The following CSMD1 variants were observed in gnomAD, a reference collection of about 807,000 sequenced individuals.
CSMD1 encodes CUB and Sushi multiple domains 1, also known as CUB and sushi domain-containing protein 1.
Under a neutral mutation model 417.5 loss-of-function variants are expected in CSMD1, and 213 were observed. The observed-to-expected ratio is 0.51, with a 90% confidence interval of 0.46 to 0.57. The LOEUF (loss-of-function observed/expected upper bound fraction) is 0.57, where lower values mean the gene tolerates loss of function less well. CSMD1 is among the 20% of genes least tolerant of loss of function. The pLI, the probability that CSMD1 is intolerant of heterozygous loss-of-function variation, is 0.00. For synonymous variants in CSMD1, 2,862 were observed against 1,736.8 expected, an observed-to-expected ratio of 1.65 and a Z score of -16.11; for missense variants, 6,923 against 4,529.7, an observed-to-expected ratio of 1.53 and a Z score of -15.17.
At chr8:3,689,860 C>G (rs1265384606) in intron 7 of CSMD1, among the ~76,000 whole-genome samples, 3 of 152,174 alleles carry the variant, frequency 2.0e-5, no homozygotes, top group Non-Finnish European at 4.4e-5. Context: ...AGCTTTAAAT[C>G]AGATATTTCC....
intron 3 of CSMD1, among the ~76,000 whole-genome samples, chr8:4,063,321 T>A (rs1024489352): frequency 6.6e-6 from 1 of 151,656 alleles, no homozygotes; most frequent in African/African-American, 2.4e-5. Context: ...AAAAAATAAT[T>A]TAAAGATAAA....
chr8:4,817,757 T>C (rs1204824026), intron 1 of CSMD1, among the ~76,000 whole-genome samples: 2 of 152,220 alleles, frequency 1.3e-5, no homozygotes, highest in African/African-American at 4.8e-5. Context: ...GCTATCACGC[T>C]GAGTAGGTAC....
intron 17 of CSMD1, among the ~76,000 whole-genome samples, chr8:3,393,848 G>A (rs559224026): frequency 6.6e-6 from 1 of 151,178 alleles, no homozygotes; most frequent in Non-Finnish European, 1.5e-5. Context: ...GTGGGGTGTG[G>A]GGAGGGGGCA....
chr8:3,449,009 C>T (rs532467404), intron 12 of CSMD1, among the ~76,000 whole-genome samples: 2 of 152,210 alleles, frequency 1.3e-5, no homozygotes, highest in African/African-American at 4.8e-5. Flanking sequence ...AAATCAAACA[C>T]GTATTAGTAG....
At chr8:4,015,700 C>T (rs995472328) in intron 4 of CSMD1, among the ~76,000 whole-genome samples, 3 of 140,952 alleles carry the variant, frequency 2.1e-5, no homozygotes, top group Non-Finnish European at 4.6e-5. Flanking sequence ...ACAGCTGCTA[C>T]ATCCCATTTT....
chr8:3,092,994 ACCATACT>A (rs1225541130), intron 47 of CSMD1, among the ~76,000 whole-genome samples: 1 of 152,134 alleles, frequency 6.6e-6, no homozygotes, highest in East Asian at 1.9e-4. Flanking sequence ...ATACTGAGAA[ACCATACT>A]CCACTCACCG....
intron 3 of CSMD1, among the ~76,000 whole-genome samples, chr8:4,051,111 A>C (rs557820087): frequency 6.6e-6 from 1 of 151,850 alleles, no homozygotes; most frequent in South Asian, 2.1e-4. Flanking sequence ...GAAAGGGAGA[A>C]CCAGGAAAAA....
At chr8:3,119,186 C>CA (rs1429983106) in intron 41 of CSMD1, among the ~76,000 whole-genome samples, 3 of 150,106 alleles carry the variant, frequency 2.0e-5, no homozygotes, top group African/African-American at 7.3e-5. Context: ...TCCCCCGCCC[C>CA]AAAAAAAAGG....
At chr8:3,104,848 C>G (rs1816018757) in intron 46 of CSMD1, among the ~76,000 whole-genome samples, 1 of 152,038 alleles carries the variant, frequency 6.6e-6, no homozygotes, top group Admixed American at 6.6e-5. Context: ...GCTGGCATTA[C>G]AGGCATGCGC....
chr8:3,843,291 T>C (rs1247538548), intron 5 of CSMD1, among the ~76,000 whole-genome samples: 2 of 152,226 alleles, frequency 1.3e-5, no homozygotes, highest in Admixed American at 1.3e-4. Context: ...GTTAATGAGT[T>C]TATCTTTTTA....
chr8:4,367,221 A>G lies in CSMD1; in HGVS notation c.415+52732T>C, dbSNP rs146045006. Among the ~76,000 whole-genome samples, 626 of 152,194 alleles carry G rather than the reference A, an allele frequency of 4.1e-3. 6 individuals are homozygous for G. The highest frequency in any genetic ancestry group is 7.2e-3 in the Non-Finnish European group (489 of 68,002). On this transcript the variant is annotated intron_variant, in intron 3 of 69. Coordinates refer to ENST00000635120, the MANE Select transcript of CSMD1 (RefSeq NM_033225.6). ...TAATCCATCTGGAGTTATTTTTTGT[A>G]TGTGGTGTAAGGAAGGGGTCCAGTC...
intron 46 of CSMD1, among the ~76,000 whole-genome samples, chr8:3,103,443 C>A (rs1815901019): frequency 6.6e-6 from 1 of 152,098 alleles, no homozygotes; most frequent in Non-Finnish European, 1.5e-5. Context: ...CAGTATGAGA[C>A]TGTACTGAAG....
chr8:4,419,132 T>C (rs186502851), intron 3 of CSMD1, among the ~76,000 whole-genome samples: 149 of 152,272 alleles, frequency 9.8e-4, no homozygotes, highest in Admixed American at 8.4e-3. Flanking sequence ...ACATCCCAAG[T>C]AAACAGTGTG....
At chr8:4,564,198 C>G (rs771199430) in intron 2 of CSMD1, among the ~76,000 whole-genome samples, 1 of 152,192 alleles carries the variant, frequency 6.6e-6, no homozygotes, top group African/African-American at 2.4e-5. Flanking sequence ...AAATATTTTT[C>G]TTCACTTCCT....
At position 4,779,202 on chromosome 8, in the gene CSMD1, G is replaced by A. The variant is rs370143536; in HGVS notation, c.86-141644C>T. On this transcript the variant is annotated intron_variant, in intron 1 of 69. Coordinates refer to ENST00000635120, the MANE Select transcript of CSMD1 (RefSeq NM_033225.6). Reference sequence around the variant, plus strand: ...AGTGGTGGCAAACATATGCTAACTGGTCTGATTAATATTGTTATGTTAACG... The same window carrying A: ...AGTGGTGGCAAACATATGCTAACTGATCTGATTAATATTGTTATGTTAACG... Among the ~76,000 whole-genome samples, 223 of 152,266 alleles carry A rather than the reference G, an allele frequency of 1.5e-3. 2 individuals carry two copies. Among genetic ancestry groups the A allele is most frequent in the African/African-American group, 5.3e-3 (219 of 41,540 alleles).
rs1020715837 is a variant in CSMD1, at chr8:2,954,334, T to A, written c.9995-66A>T. 31 of 1,017,098 alleles carry A rather than the reference T, an allele frequency of 3.0e-5. No homozygotes were observed. The Admixed American group carries it at 8.7e-4, about 29-fold the overall frequency. The allele number at this position is 1,017,098 out of a possible 1,614,324, so 63.0% of individuals were successfully genotyped here. On this transcript the variant is annotated intron_variant, in intron 64 of 69. Coordinates refer to ENST00000635120, the MANE Select transcript of CSMD1 (RefSeq NM_033225.6). ...TTATTTTTGAGTAAGTTTGAAAAAA[T>A]GTCAAATTGAAGCAATTTTCCTTTC... is the stretch of plus-strand genomic sequence containing the variant.
chr8:3,466,644 G>C (rs533735440), intron 12 of CSMD1, among the ~76,000 whole-genome samples: 3 of 149,330 alleles, frequency 2.0e-5, no homozygotes, highest in East Asian at 2.0e-4. Context: ...GGCCAGGCTG[G>C]TCTGGAACTC....
chr8:4,693,780 C>CTGCCTCAGCCTCCTGAGTAGCTTCAAGCG (rs1806933688), intron 1 of CSMD1, among the ~76,000 whole-genome samples: 1 of 148,366 alleles, frequency 6.7e-6, no homozygotes, highest in Non-Finnish European at 1.5e-5. Flanking sequence ...AGGCTCAAGC[C>CTGCCTCAGCCTCCTGAGTAGCTTCAAGCG]ATTCTCCTGC....
intron 39 of CSMD1, among the ~76,000 whole-genome samples, 174 bp downstream of exon 39, chr8:3,157,723 G>C (rs1192932485): frequency 6.6e-6 from 1 of 152,212 alleles, no homozygotes; most frequent in African/African-American, 2.4e-5. Flanking sequence ...CATCCAGTGG[G>C]GAAGGTGCAG....
Sources: gnomAD v4.1 joint callset for allele counts (sites outside exome capture counted in the v4.1 genomes callset) on GRCh38, gnomAD v4.1.1 for gene constraint, MANE v1.5 for transcripts, NCBI Gene and HGNC (gene_info 2026-07-23, HGNC 2026-07-21) for gene names.